Variants in GRID2 observed in about 807,000 individuals in gnomAD.
GRID2 encodes the protein glutamate receptor ionotropic, delta-2.
Under a neutral mutation model 114.8 loss-of-function variants are expected in GRID2, and 33 were observed. The ratio of observed to expected loss-of-function variants is 0.29; its 90% CI spans 0.22 to 0.38. GRID2 has a LOEUF of 0.38. GRID2 is among the 10% of genes least tolerant of loss of function. The pLI is 1.00. For synonymous variants in GRID2, 505 were observed against 449.9 expected, an observed-to-expected ratio of 1.12 and a Z score of -1.55; for missense variants, 1,184 against 1,257.7, an observed-to-expected ratio of 0.94 and a Z score of 0.89.
chr4:93,286,190 A>G (rs1356684806), intron 8 of GRID2, among the ~76,000 whole-genome samples: 1 of 152,132 alleles, frequency 6.6e-6, no homozygotes, highest in East Asian at 1.9e-4. Context: ...TATAGATTAT[A>G]AAAATAGACT....
chr4:93,030,136 G>A (rs576528008), intron 2 of GRID2, among the ~76,000 whole-genome samples: 1 of 152,188 alleles, frequency 6.6e-6, no homozygotes, highest in South Asian at 2.1e-4. Context: ...ATTTTAAGCT[G>A]TGCCCCAGTG....
intron 2 of GRID2, among the ~76,000 whole-genome samples, chr4:92,615,622 A>C (rs1316086443): frequency 6.6e-6 from 1 of 151,556 alleles, no homozygotes; most frequent in Non-Finnish European, 1.5e-5. Flanking sequence ...TTATTGTAAT[A>C]TTTCATATCA....
chr4:92,683,666 T>C (rs2149286590), intron 2 of GRID2, among the ~76,000 whole-genome samples: 1 of 151,570 alleles, frequency 6.6e-6, no homozygotes, highest in Admixed American at 6.6e-5. Flanking sequence ...TTTAAATTAT[T>C]TTATATTAAA....
At chr4:93,776,962 C>T (rs903277960), downstream of GRID2, among the ~76,000 whole-genome samples, 1 of 152,168 alleles carries the variant, frequency 6.6e-6, no homozygotes, top group Admixed American at 6.5e-5. Context: ...TTTCAACTTG[C>T]CTCAACAGGA....
At chr4:93,715,693 G>T (rs1341546646) in intron 14 of GRID2, among the ~76,000 whole-genome samples, 2 of 152,102 alleles carry the variant, frequency 1.3e-5, no homozygotes, top group Non-Finnish European at 2.9e-5. Flanking sequence ...TTTTGTGGCA[G>T]TTGTGAATGG....
At chr4:92,549,819 T>TA (rs1172323407) in intron 1 of GRID2, among the ~76,000 whole-genome samples, 4 of 152,164 alleles carry the variant, frequency 2.6e-5, no homozygotes, top group Admixed American at 2.0e-4. Flanking sequence ...TGACACTTGA[T>TA]ACCCTGCATA....
At chr4:92,909,588 A>T (rs1434451661) in intron 2 of GRID2, among the ~76,000 whole-genome samples, 4 of 152,146 alleles carry the variant, frequency 2.6e-5, no homozygotes, top group Non-Finnish European at 5.9e-5. Flanking sequence ...AGTTGCAGGG[A>T]TACTTGGATG....
At chr4:93,005,673 T>G (rs1721440151) in intron 2 of GRID2, among the ~76,000 whole-genome samples, 1 of 152,082 alleles carries the variant, frequency 6.6e-6, no homozygotes, top group Admixed American at 6.6e-5. Context: ...TGATTAATCA[T>G]TAAAAAGTCA....
At chr4:92,738,024 G>T (rs1262189281) in intron 2 of GRID2, among the ~76,000 whole-genome samples, 1 of 152,026 alleles carries the variant, frequency 6.6e-6, no homozygotes, top group Non-Finnish European at 1.5e-5. Context: ...AAAGGTTTTT[G>T]CACATTTTTG....
At chr4:92,498,001 A>G (rs895509619) in intron 1 of GRID2, among the ~76,000 whole-genome samples, 5 of 151,906 alleles carry the variant, frequency 3.3e-5, no homozygotes, top group Admixed American at 6.6e-5. Context: ...CATTCAGAAT[A>G]TCATGAGCTC....
intron 2 of GRID2, among the ~76,000 whole-genome samples, chr4:92,720,848 T>C (rs1475944546): frequency 1.3e-5 from 2 of 152,126 alleles, no homozygotes; most frequent in African/African-American, 2.4e-5. Context: ...CAGATATTTG[T>C]ACACTTGTGT....
chr4:92,360,875 T>G (rs1263258349), intron 1 of GRID2, among the ~76,000 whole-genome samples: 1 of 151,996 alleles, frequency 6.6e-6, no homozygotes, highest in Non-Finnish European at 1.5e-5. Context: ...ATATCAACTG[T>G]AAGTCTTCAT....
intron 8 of GRID2, among the ~76,000 whole-genome samples, chr4:93,261,391 A>G (rs187310775): frequency 1.6e-3 from 237 of 151,958 alleles, no homozygotes; most frequent in East Asian, 1.7e-3. Context: ...CATGTACACA[A>G]TCTAACTCAG....
At position 92,435,391 on chromosome 4, in the gene GRID2, G is replaced by A. The variant is rs115559961; in HGVS notation, c.88+130647G>A. ...TCCATGGAGATGATGGGGGAGATGT[G>A]AAGAAGATAGATGTGCCTTTTACAG... is the stretch of plus-strand genomic sequence containing the variant. On this transcript the variant is annotated intron_variant, in intron 1 of 15. Transcript: ENST00000282020. Among the ~76,000 whole-genome samples the A allele has an allele frequency of 3.2e-3, 485 of 152,334 alleles. 4 individuals are homozygous for A. Among genetic ancestry groups the A allele is most frequent in the African/African-American group, 0.011 (448 of 41,582 alleles).
At chr4:92,538,902 C>A (rs965366625) in intron 1 of GRID2, among the ~76,000 whole-genome samples, 2 of 151,952 alleles carry the variant, frequency 1.3e-5, no homozygotes, top group African/African-American at 4.8e-5. Context: ...ATTATCCAGG[C>A]ATGGTGGTGG....
At chr4:92,501,235 C>A (rs1183410260) in intron 1 of GRID2, among the ~76,000 whole-genome samples, 1 of 152,100 alleles carries the variant, frequency 6.6e-6, no homozygotes, top group East Asian at 1.9e-4. Flanking sequence ...GAGTAGCCAA[C>A]TATTGTGTGG....
At chr4:93,258,129 T>C (rs1031509238) in intron 8 of GRID2, among the ~76,000 whole-genome samples, 1 of 151,336 alleles carries the variant, frequency 6.6e-6, no homozygotes, top group Non-Finnish European at 1.5e-5. Context: ...AAAAATTTTA[T>C]TCTCATGGAA....
intron 2 of GRID2, among the ~76,000 whole-genome samples, chr4:92,649,346 A>G (rs886604940): frequency 1.3e-5 from 2 of 150,490 alleles, no homozygotes; most frequent in Admixed American, 6.7e-5. Flanking sequence ...TCCAAGCCTG[A>G]GTGTGAAGGC....
intron 13 of GRID2, among the ~76,000 whole-genome samples, chr4:93,601,620 C>A (rs1446940076): frequency 6.6e-6 from 1 of 152,206 alleles, no homozygotes; most frequent in Non-Finnish European, 1.5e-5. Context: ...ACAGGTTTCA[C>A]TGAAGCTTCT....
Sources: allele counts gnomAD v4.1 joint callset (sites outside exome capture counted in the v4.1 genomes callset), GRCh38; gene constraint gnomAD v4.1.1; transcripts MANE v1.5; gene names NCBI Gene and HGNC (gene_info 2026-07-23, HGNC 2026-07-21).